The following PIGK variants were observed in gnomAD, a reference collection of about 807,000 sequenced individuals.
The protein encoded by PIGK is GPI-anchor transamidase.
In PIGK, 42 loss-of-function variants were observed where a neutral mutation model predicts 50.6. The observed-to-expected ratio is 0.83, with a 90% confidence interval of 0.65 to 1.07. PIGK has a LOEUF of 1.07. PIGK is among the 50% of genes least tolerant of loss of function. The pLI is 0.00. For missense variants in PIGK, 448 were observed against 488.7 expected, an observed-to-expected ratio of 0.92 and a Z score of 0.78; for synonymous variants, 151 against 156.0, an observed-to-expected ratio of 0.97 and a Z score of 0.24.
chr1:77,109,058 G>C (rs1653771797), intron 10 of PIGK, among the ~76,000 whole-genome samples: 2 of 152,116 alleles, frequency 1.3e-5, no homozygotes, highest in Non-Finnish European at 2.9e-5. Context: ...GACTAAACCA[G>C]GAAGAAGTTG....
intron 10 of PIGK, among the ~76,000 whole-genome samples, chr1:77,109,371 G>A (rs1653783574): frequency 6.6e-6 from 1 of 152,074 alleles, no homozygotes; most frequent in South Asian, 2.1e-4. Context: ...TAAAATACTG[G>A]CAAACCAAAT....
At chr1:77,169,418 A>G (rs1455048285) in intron 3 of PIGK, 23 bp from the exon 4 acceptor site, 1 of 1,556,218 alleles carries the variant, frequency 6.4e-7, no homozygotes, top group African/African-American at 1.4e-5. Context: ...AATCCAGTAA[A>G]TATATAATTT....
chr1:77,118,608 G>A (rs926976589), intron 10 of PIGK, among the ~76,000 whole-genome samples: 2 of 152,042 alleles, frequency 1.3e-5, no homozygotes, highest in African/African-American at 2.4e-5. Flanking sequence ...TTGCCATTTC[G>A]CATTTTTTGC....
chr1:77,207,527 T>C (rs1484963588), intron 2 of PIGK, among the ~76,000 whole-genome samples: 3 of 151,776 alleles, frequency 2.0e-5, no homozygotes, highest in Admixed American at 2.0e-4. Flanking sequence ...CATAAGAGAG[T>C]GCATTATAAA....
At chr1:77,152,531 T>C (rs989432161) in intron 9 of PIGK, among the ~76,000 whole-genome samples, 26 of 151,872 alleles carry the variant, frequency 1.7e-4, no homozygotes, top group Admixed American at 5.3e-4. Flanking sequence ...AGATTCTGCA[T>C]AGCAAAGGAA....
intron 3 of PIGK, among the ~76,000 whole-genome samples, chr1:77,178,493 C>T (rs538459067): frequency 1.1e-4 from 16 of 152,306 alleles, no homozygotes; most frequent in African/African-American, 3.8e-4. Context: ...AGAAAAGTAT[C>T]TCTGCAGCTG....
At chr1:77,155,063 T>C (rs537295058) in intron 8 of PIGK, among the ~76,000 whole-genome samples, 2 of 152,222 alleles carry the variant, frequency 1.3e-5, no homozygotes, top group Non-Finnish European at 2.9e-5. Flanking sequence ...AAGTAGTACA[T>C]GGAGCCCCAA....
chr1:77,171,821 T>G (rs1389677631), intron 3 of PIGK, among the ~76,000 whole-genome samples: 1 of 152,168 alleles, frequency 6.6e-6, no homozygotes, highest in Non-Finnish European at 1.5e-5. Flanking sequence ...AAAATAATTC[T>G]CATTTGATCC....
At chr1:77,164,734 A>C (rs67263641) in intron 5 of PIGK, among the ~76,000 whole-genome samples, 31,748 of 151,322 alleles carry the variant, frequency 0.21, 4,619 homozygotes, top group African/African-American at 0.41. Context: ...CCCACTTAAC[A>C]CCCTGGCCAG....
Position 77,210,480 on chromosome 1 carries a change from C to T in PIGK, c.103G>A (p.Glu35Lys). 1 of 1,588,360 alleles carries T rather than the reference C, an allele frequency of 6.3e-7. No individual in the cohort carries two copies. Among genetic ancestry groups the T allele is most frequent in the Non-Finnish European group, 8.6e-7 (1 of 1,163,476 alleles). Residue 35 changes from glutamate (E) to lysine (K), a missense_variant, in exon 2 of 11, where the codon GAA becomes AAA. Coordinates refer to ENST00000370812, the MANE Select transcript of PIGK (RefSeq NM_005482.3). The part of the protein sequence containing the change: ...VAASHIEDQA[E>K]QFFRSGHTNN... ...GTATGGCCACTTCTAAAGAATTGTT[C>T]TGCTTGATCCTAAATAAAGCAAAAC...
chr1:77,191,268 T>A (rs143426430), intron 3 of PIGK, among the ~76,000 whole-genome samples: 116 of 152,370 alleles, frequency 7.6e-4, no homozygotes, highest in Non-Finnish European at 1.5e-3. Context: ...CAAAATTTTT[T>A]AAAATCTTCA....
intron 10 of PIGK, among the ~76,000 whole-genome samples, chr1:77,110,770 T>G (rs558780556): frequency 1.3e-5 from 2 of 152,184 alleles, no homozygotes; most frequent in South Asian, 4.1e-4. Context: ...GGGATCTAAT[T>G]AAACTAAAGA....
At chr1:77,100,325 A>C (rs1653513578) in intron 10 of PIGK, among the ~76,000 whole-genome samples, 1 of 152,212 alleles carries the variant, frequency 6.6e-6, no homozygotes, top group Admixed American at 6.5e-5. Flanking sequence ...GCTGTGTTCA[A>C]CTATTTAATT....
intron 10 of PIGK, among the ~76,000 whole-genome samples, chr1:77,111,935 TA>T (rs1265256592): frequency 6.6e-6 from 1 of 151,940 alleles, no homozygotes; most frequent in Non-Finnish European, 1.5e-5. Context: ...AATTGGTAAA[TA>T]AAAAAGATAC....
At chr1:77,176,016 T>C (rs1655479369) in intron 3 of PIGK, among the ~76,000 whole-genome samples, 1 of 152,130 alleles carries the variant, frequency 6.6e-6, no homozygotes. Context: ...TAAAAAAATT[T>C]TGTTTGCCTT....
chr1:77,138,030 T>C (rs1654561582), intron 9 of PIGK, among the ~76,000 whole-genome samples: 1 of 152,242 alleles, frequency 6.6e-6, no homozygotes, highest in African/African-American at 2.4e-5. Flanking sequence ...AATTCTAAGA[T>C]GACCCTCAAG....
intron 9 of PIGK, 146 bp from the exon 10 acceptor site, chr1:77,122,505 C>G: frequency 3.5e-6 from 2 of 573,932 alleles, no homozygotes; most frequent in Non-Finnish European, 6.2e-6. Flanking sequence ...CTTTGAAACA[C>G]TACCATTGAA....
At chr1:77,133,095 T>C (rs1414640887) in intron 9 of PIGK, among the ~76,000 whole-genome samples, 1 of 152,174 alleles carries the variant, frequency 6.6e-6, no homozygotes, top group East Asian at 1.9e-4. Flanking sequence ...TTAAATATTG[T>C]CTGTTCTTCC....
At chr1:77,202,406 G>C (rs1413346213) in intron 3 of PIGK, among the ~76,000 whole-genome samples, 2 of 152,152 alleles carry the variant, frequency 1.3e-5, no homozygotes, top group Non-Finnish European at 2.9e-5. Flanking sequence ...ATTGAATCTG[G>C]ACATCAGAAA....
Sources: gnomAD v4.1 joint callset for allele counts (sites outside exome capture counted in the v4.1 genomes callset) on GRCh38, gnomAD v4.1.1 for gene constraint, MANE v1.5 for transcripts, NCBI Gene and HGNC (gene_info 2026-07-23, HGNC 2026-07-21) for gene names.